The following SH3TC2 variants were observed in gnomAD, a reference collection of about 807,000 sequenced individuals.
SH3TC2 encodes the protein SH3 domain and tetratricopeptide repeats 2, also known as SH3 domain and tetratricopeptide repeat-containing protein 2.
A neutral mutation model predicts 124.5 loss-of-function variants in SH3TC2; 87 were observed. The ratio of observed to expected loss-of-function variants is 0.70; its 90% CI spans 0.59 to 0.84. The LOEUF (loss-of-function observed/expected upper bound fraction) is 0.84, where lower values mean the gene tolerates loss of function less well. SH3TC2 is among the 40% of genes least tolerant of loss of function. The pLI is 0.00. For synonymous variants in SH3TC2, 634 were observed against 628.5 expected, an observed-to-expected ratio of 1.01 and a Z score of -0.13; for missense variants, 1,536 against 1,566.4, an observed-to-expected ratio of 0.98 and a Z score of 0.33.
rs886060135 is a variant in SH3TC2, at chr5:148,993,955, C to A, written c.*10756G>T. On this transcript the variant is annotated 3_prime_UTR_variant, in exon 17 of 17. Coordinates refer to ENST00000515425, the MANE Select transcript of SH3TC2 (RefSeq NM_024577.4). ...TACATATATTCACACATTTGATCCACACAACAATCCCATGAGATAAGTACT... is the reference window on the plus strand; with the variant it reads ...TACATATATTCACACATTTGATCCAAACAACAATCCCATGAGATAAGTACT... Among the ~76,000 whole-genome samples, 2 of 152,206 alleles carry A rather than the reference C, an allele frequency of 1.3e-5. No homozygotes were observed. The highest frequency in any genetic ancestry group is 4.1e-4 in the South Asian group (2 of 4,826).
At chr5:149,005,921 G>T (rs1237874303) in intron 16 of SH3TC2, among the ~76,000 whole-genome samples, 2 of 152,114 alleles carry the variant, frequency 1.3e-5, no homozygotes, top group African/African-American at 4.8e-5. Context: ...GGTCAGGGTT[G>T]TAACAGAGAT....
Position 149,028,465 on chromosome 5 carries a change from C to T in SH3TC2, c.1267G>A (p.Glu423Lys). 1 of 1,612,822 alleles carries T rather than the reference C, an allele frequency of 6.2e-7. No individual in the cohort carries two copies. The highest frequency in any genetic ancestry group is 8.5e-7 in the Non-Finnish European group (1 of 1,179,284). The change falls in exon 11 of 17, where the codon GAG (glutamate) becomes AAG (lysine). Residue 423 changes from glutamate to lysine, a missense_variant. By Grantham distance (56) the Glu-to-Lys change is moderately conservative. Coordinates refer to ENST00000515425, the MANE Select transcript of SH3TC2 (RefSeq NM_024577.4). ...AGCTCCTCCTCCAGGCTGGAGTCCT[C>T]AGAGCTGCTGGACTGTCTGGACCCC... is the stretch of plus-strand genomic sequence containing the variant. ...AVGSRQSSSS[E>K]DSSLEEELLS...
At chr5:149,044,977 T>TA (rs879426062) in intron 3 of SH3TC2, 757 of 184,500 alleles carry the variant, frequency 4.1e-3, no homozygotes, top group Middle Eastern at 0.014. Flanking sequence ...TTTTTGTGTT[T>TA]AAAAAAAAAA....
At chr5:149,030,705 C>T (rs1754176134) in intron 9 of SH3TC2, among the ~76,000 whole-genome samples, 1 of 152,262 alleles carries the variant, frequency 6.6e-6, no homozygotes, top group Non-Finnish European at 1.5e-5. Context: ...TGCTCTACTC[C>T]TGGGAGATGG....
At position 148,987,404 on chromosome 5, in the gene SH3TC2, TTGAG is replaced by T. The variant is rs1753349658; in HGVS notation, c.*17303_*17306del. Among the ~76,000 whole-genome samples the T allele has an allele frequency of 6.6e-6, 1 of 152,192 alleles. No individual in the cohort carries two copies. Among genetic ancestry groups the T allele is most frequent in the Non-Finnish European group, 1.5e-5 (1 of 68,036 alleles). ...ATAGAAGGAATCTAACAACTATTTA[TTGAG>T]TATGTAAGTAAACTTGAGGAGATAA... On this transcript the variant is annotated 3_prime_UTR_variant, in exon 17 of 17. Coordinates refer to ENST00000515425, the MANE Select transcript of SH3TC2 (RefSeq NM_024577.4).
intron 12 of SH3TC2, among the ~76,000 whole-genome samples, chr5:149,016,022 A>ATTTTGCTT (rs1753867519): frequency 6.6e-6 from 1 of 152,224 alleles, no homozygotes; most frequent in African/African-American, 2.4e-5. Context: ...GCACATTTCT[A>ATTTTGCTT]AAGCCTTATT....
intron 13 of SH3TC2, among the ~76,000 whole-genome samples, chr5:149,010,597 A>T (rs1324477830): frequency 6.6e-6 from 1 of 152,074 alleles, no homozygotes; most frequent in African/African-American, 2.4e-5. Flanking sequence ...GTTATGAGAG[A>T]TTGCTTTTGG....
In SH3TC2 at chr5:149,035,342, T is replaced by G. The variant is rs192465703; in HGVS notation, c.1001+2953A>C. 1.0e-3 allele frequency: 153 copies of G among 152,326 alleles called. 1 individual carries two copies. Among genetic ancestry groups the G allele is most frequent in the African/African-American group, 3.7e-3 (152 of 41,558 alleles). The allele number at this position is 152,326 out of a possible 1,614,324, so 9.4% of individuals were successfully genotyped here. ...TATTTTTTTAATTTAGGCACTTAAG[T>G]ATACACACATACTTTAGGGAGTAAT... On this transcript the variant is annotated intron_variant, in intron 8 of 16. Transcript: ENST00000515425.
chr5:149,060,219 G>T (rs36042), intron 1 of SH3TC2, among the ~76,000 whole-genome samples: 31,224 of 152,150 alleles, frequency 0.21, 3,714 homozygotes, highest in African/African-American at 0.31. Flanking sequence ...AGTGCTAGAA[G>T]TTTTTTGATC....
intron 8 of SH3TC2, among the ~76,000 whole-genome samples, chr5:149,031,972 A>T (rs183149678): frequency 1.3e-5 from 2 of 152,230 alleles, no homozygotes; most frequent in East Asian, 3.9e-4. Context: ...TCCCAAGAAA[A>T]ACAAAGCCCC....
intron 7 of SH3TC2, 61 bp from the exon 8 acceptor site, chr5:149,038,551 C>T (rs1290517115): frequency 6.5e-7 from 1 of 1,537,472 alleles, no homozygotes. Flanking sequence ...CTCCCATCAC[C>T]TTCCAATGCA....
At chr5:149,052,316 T>C in intron 1 of SH3TC2, 76 bp from the exon 2 acceptor site, 1 of 1,193,894 alleles carries the variant, frequency 8.4e-7, no homozygotes, top group Non-Finnish European at 1.2e-6. Flanking sequence ...GGCTGTAGTT[T>C]TGGTCAAGTG....
intron 8 of SH3TC2, among the ~76,000 whole-genome samples, chr5:149,033,606 T>G (rs1754235129): frequency 6.6e-6 from 1 of 152,170 alleles, no homozygotes; most frequent in African/African-American, 2.4e-5. Context: ...TAGACCTGCC[T>G]GAAGCAGGGA....
intron 1 of SH3TC2, chr5:149,062,519 G>A (rs760701364): frequency 4.1e-5 from 18 of 434,674 alleles, no homozygotes; most frequent in Non-Finnish European, 2.7e-5. Context: ...TGTAATAGGT[G>A]GAGGCAGGAA....
rs1211587317 is a variant in SH3TC2, at chr5:149,004,490, C to G, written c.*221G>C. 3.5e-6 allele frequency: 2 copies of G among 578,610 alleles called. No individual in the cohort carries two copies. The highest frequency in any genetic ancestry group is 6.1e-6 in the Non-Finnish European group (2 of 327,884). The allele number at this position is 578,610 out of a possible 1,614,324, so 35.8% of individuals were successfully genotyped here. On this transcript the variant is annotated 3_prime_UTR_variant, in exon 17 of 17. Transcript: ENST00000515425. ...AGGCAACAGTCAACCGGTAAAGGCT[C>G]CAGATGCAAAGCCTGGAACCAGGAA...
Position 149,027,692 on chromosome 5 carries a change from A to AT in SH3TC2, c.2039dup (p.Tyr680Ter), listed in dbSNP as rs758840181. 13 of 1,614,130 alleles carry AT rather than the reference A, an allele frequency of 8.1e-6. No individual in the cohort carries two copies. The South Asian group carries it at 1.4e-4, about 18-fold the overall frequency. ...CAAGGTGTGGAAGATATTTCTTGTC[A>AT]TACAGAAAACTCAAAACACTGGCCA... is the stretch of plus-strand genomic sequence containing the variant. ...EAVASVLSFL[Y>*]DKKYLPHLAV... is the part of the protein sequence containing the mutation. The change falls in exon 11 of 17, where the codon TAT becomes TAAT. Residue 680 changes from tyrosine (Y) to a stop codon, truncating the protein, a stop_gained and frameshift_variant. Coordinates refer to ENST00000515425, the MANE Select transcript of SH3TC2 (RefSeq NM_024577.4). LOFTEE classifies it high-confidence loss of function.
In SH3TC2 at chr5:149,004,253, A is replaced by G. The variant is rs1580885786; in HGVS notation, c.*458T>C. ...ACTTTGGTTCTGAAGAAAGAAATGG[A>G]AAAAACTACAGGTTCCTCTGCTGGC... is the stretch of plus-strand genomic sequence containing the variant. On this transcript the variant is annotated 3_prime_UTR_variant, in exon 17 of 17. Transcript: ENST00000515425. 1 of 183,578 alleles carries G rather than the reference A, an allele frequency of 5.4e-6. No homozygotes were observed. Among genetic ancestry groups the G allele is most frequent in the East Asian group, 1.4e-4 (1 of 7,034 alleles). The allele number at this position is 183,578 out of a possible 1,614,324, so 11.4% of individuals were successfully genotyped here.
In SH3TC2 at chr5:149,001,881, A is replaced by G. The variant is rs1412241539; in HGVS notation, c.*2830T>C. 3 of 152,256 alleles carry G rather than the reference A, an allele frequency of 2.0e-5. No individual in the cohort carries two copies. Among genetic ancestry groups the G allele is most frequent in the Non-Finnish European group, 4.4e-5 (3 of 68,048 alleles). The allele number at this position is 152,256 out of a possible 1,614,324, so 9.4% of individuals were successfully genotyped here. ...CACGTATGTGTGTGTATGTGTATGC[A>G]TATGCAAATGCATGTGCATATTTGC... On this transcript the variant is annotated 3_prime_UTR_variant, in exon 17 of 17. Transcript: ENST00000515425.
At chr5:149,047,802 A>G (rs1754489666) in intron 3 of SH3TC2, 60 bp downstream of exon 3, 2 of 1,607,422 alleles carry the variant, frequency 1.2e-6, no homozygotes, top group South Asian at 2.2e-5. Context: ...GATGCTAGGG[A>G]TCCTGTAGCA....
Sources: allele counts gnomAD v4.1 joint callset (sites outside exome capture counted in the v4.1 genomes callset), GRCh38; gene constraint gnomAD v4.1.1; transcripts MANE v1.5; gene names NCBI Gene and HGNC (gene_info 2026-07-23, HGNC 2026-07-21).